Variants in DOK5 observed in about 807,000 individuals in gnomAD.
DOK5 encodes downstream of tyrosine kinase 5.
Under a neutral mutation model 43.3 loss-of-function variants are expected in DOK5, and 27 were observed. The observed-to-expected ratio is 0.62, with a 90% confidence interval of 0.46 to 0.86. The LOEUF (loss-of-function observed/expected upper bound fraction) is 0.86, where lower values mean the gene tolerates loss of function less well. DOK5 is among the 40% of genes least tolerant of loss of function. The pLI is 0.00. For missense variants in DOK5, 373 were observed against 392.9 expected (o/e 0.95, Z 0.43); for synonymous variants, 146 against 140.1 (o/e 1.04, Z -0.30).
At position 54,634,615 on chromosome 20, in the gene DOK5, G is replaced by C. The variant is rs1165461256; in HGVS notation, c.736-8843G>C. 5.3e-5 allele frequency among the ~76,000 whole-genome samples: 8 copies of C among 151,620 alleles called. 1 individual carries two copies. The highest frequency in any genetic ancestry group is 8.8e-5 in the Non-Finnish European group (6 of 67,894). On this transcript the variant is annotated intron_variant, in intron 6 of 7. Coordinates refer to ENST00000262593, the MANE Select transcript of DOK5 (RefSeq NM_018431.5). Reference sequence around the variant, plus strand: ...CGCCACCATGCCCGGCTAATTTTTTGTATTTTTAGTAGAGATGAGGTTTCA... The same window carrying C: ...CGCCACCATGCCCGGCTAATTTTTTCTATTTTTAGTAGAGATGAGGTTTCA...
At chr20:54,631,218 G>GC (rs1323002493) in intron 6 of DOK5, among the ~76,000 whole-genome samples, 1 of 152,020 alleles carries the variant, frequency 6.6e-6, no homozygotes, top group Non-Finnish European at 1.5e-5. Flanking sequence ...AAAAATATTG[G>GC]CCCTGGCAAC....
At chr20:54,647,220 ACTGT>A (rs1435174375) in intron 7 of DOK5, among the ~76,000 whole-genome samples, 1 of 152,026 alleles carries the variant, frequency 6.6e-6, no homozygotes, top group Non-Finnish European at 1.5e-5. Context: ...TATAATGAAA[ACTGT>A]CTGGGCGTGG....
intron 2 of DOK5, among the ~76,000 whole-genome samples, chr20:54,586,683 T>C (rs1985813101): frequency 6.6e-6 from 1 of 151,952 alleles, no homozygotes; most frequent in Non-Finnish European, 1.5e-5. Flanking sequence ...TGACTAGGTG[T>C]TAGGATGGGA....
intron 2 of DOK5, among the ~76,000 whole-genome samples, chr20:54,574,067 T>C (rs1445916566): frequency 3.3e-5 from 5 of 152,280 alleles, no homozygotes; most frequent in African/African-American, 4.8e-5. Flanking sequence ...TAGCCTTCTG[T>C]CATTTCCTGC....
intron 2 of DOK5, among the ~76,000 whole-genome samples, chr20:54,569,878 T>G (rs62214427): frequency 0.047 from 7,179 of 152,302 alleles, 221 homozygotes; most frequent in Middle Eastern, 0.079. Context: ...TAGATATTTT[T>G]GGAAGGAATG....
chr20:54,583,419 A>G (rs997420652), intron 2 of DOK5, among the ~76,000 whole-genome samples: 13 of 151,550 alleles, frequency 8.6e-5, no homozygotes, highest in African/African-American at 3.2e-4. Context: ...TTGTTCAAGC[A>G]CTCTGTTTTC....
At chr20:54,640,619 C>T (rs1173948957) in intron 6 of DOK5, among the ~76,000 whole-genome samples, 1 of 152,220 alleles carries the variant, frequency 6.6e-6, no homozygotes, top group Non-Finnish European at 1.5e-5. Context: ...GTACCGTTCT[C>T]CTCTTCAAAA....
At chr20:54,499,319 G>C (rs80084591) in intron 1 of DOK5, among the ~76,000 whole-genome samples, 2,998 of 152,226 alleles carry the variant, frequency 0.02, 88 homozygotes, top group African/African-American at 0.068. Context: ...GGAAACTCAG[G>C]CTCCAAGAAT....
intron 1 of DOK5, among the ~76,000 whole-genome samples, chr20:54,498,417 C>T (rs1982478593): frequency 1.3e-5 from 2 of 152,096 alleles, no homozygotes; most frequent in East Asian, 3.9e-4. Context: ...GGAACAATAG[C>T]AATTCTAGTT....
chr20:54,640,160 A>G (rs1046043334), intron 6 of DOK5, among the ~76,000 whole-genome samples: 3 of 152,228 alleles, frequency 2.0e-5, no homozygotes, highest in Non-Finnish European at 2.9e-5. Flanking sequence ...ACAAGCAGGC[A>G]TGGGGAGAAC....
At chr20:54,609,244 G>T (rs954268075) in intron 5 of DOK5, among the ~76,000 whole-genome samples, 3 of 152,192 alleles carry the variant, frequency 2.0e-5, no homozygotes, top group Non-Finnish European at 2.9e-5. Context: ...TCTTTAGATG[G>T]GAGCAAAATT....
At chr20:54,537,610 A>G (rs1341710733) in intron 1 of DOK5, among the ~76,000 whole-genome samples, 1 of 152,192 alleles carries the variant, frequency 6.6e-6, no homozygotes, top group Non-Finnish European at 1.5e-5. Context: ...ATAGACCGAT[A>G]GTAATCATCC....
rs114884484 is a variant in DOK5 at position 54,545,852 on chromosome 20, C to A, written c.67-9081C>A. 5.3e-3 allele frequency among the ~76,000 whole-genome samples: 808 copies of A among 152,258 alleles called. 5 individuals carry two copies. The highest frequency in any genetic ancestry group is 0.018 in the African/African-American group (767 of 41,540). On this transcript the variant is annotated intron_variant, in intron 1 of 7. Transcript: ENST00000262593. ...CAGTGAGTGAACTTAAAATCACAAA[C>A]GCAAATGTCACACTGAAATAGATTA... is the stretch of plus-strand genomic sequence containing the variant.
intron 2 of DOK5, among the ~76,000 whole-genome samples, chr20:54,579,524 AG>A: frequency 6.6e-6 from 1 of 152,126 alleles, no homozygotes; most frequent in South Asian, 2.1e-4. Flanking sequence ...ACGTGTGACT[AG>A]AATTCTATAT....
intron 6 of DOK5, among the ~76,000 whole-genome samples, chr20:54,632,986 G>A (rs756901749): frequency 6.6e-6 from 1 of 152,100 alleles, no homozygotes; most frequent in Non-Finnish European, 1.5e-5. Context: ...CAGGAGAATC[G>A]CTTGAACCCG....
intron 1 of DOK5, among the ~76,000 whole-genome samples, chr20:54,531,895 AG>A (rs1983786192): frequency 6.6e-6 from 1 of 152,210 alleles, no homozygotes. Flanking sequence ...GTCTAAAGAG[AG>A]ATAATTATAC....
At chr20:54,476,269 C>A in intron 1 of DOK5, 1 of 912,096 alleles carries the variant, frequency 1.1e-6, no homozygotes, top group Non-Finnish European at 1.3e-6. Flanking sequence ...GCCCCTGGAG[C>A]CCATCTACTC....
At chr20:54,492,907 T>C (rs1982244728) in intron 1 of DOK5, among the ~76,000 whole-genome samples, 1 of 151,716 alleles carries the variant, frequency 6.6e-6, no homozygotes, top group Non-Finnish European at 1.5e-5. Flanking sequence ...TAAAAAAAGT[T>C]AGCCAGGAGT....
chr20:54,596,951 G>A (rs1016310374), intron 5 of DOK5, among the ~76,000 whole-genome samples: 1 of 152,080 alleles, frequency 6.6e-6, no homozygotes, highest in Non-Finnish European at 1.5e-5. Flanking sequence ...CTCAGTAAAA[G>A]AGAGATATAT....
Sources: gnomAD v4.1 joint callset for allele counts (sites outside exome capture counted in the v4.1 genomes callset) on GRCh38, gnomAD v4.1.1 for gene constraint, MANE v1.5 for transcripts, NCBI Gene and HGNC (gene_info 2026-07-23, HGNC 2026-07-21) for gene names.